CCNJL: variants seen among roughly 807,000 people sequenced by gnomAD.
CCNJL encodes cyclin J like.
CCNJL carries 33 observed loss-of-function variants against 33.4 expected under a neutral mutation model. The observed-to-expected ratio is 0.99, with a 90% CI of 0.75 to 1.32. The LOEUF is 1.32. Among genes scored for constraint, CCNJL ranks in the 40% most tolerant of loss-of-function variants. The probability of loss-of-function intolerance (pLI) is 0.00; values close to 1 mark genes in which losing one functional copy is unlikely to be tolerated. For missense variants in CCNJL, 512 were observed against 499.7 expected (o/e 1.02, Z -0.23); for synonymous variants, 227 against 220.9 (o/e 1.03, Z -0.24).
chr5:160,291,442 A>G (rs1762582437), intron 2 of CCNJL, among the ~76,000 whole-genome samples: 1 of 140,516 alleles, frequency 7.1e-6, no homozygotes, highest in African/African-American at 3.0e-5. Context: ...TTGTTCGTCA[A>G]AAAAATAATA....
At chr5:160,301,932 G>A (rs918059814) in intron 2 of CCNJL, among the ~76,000 whole-genome samples, 13 of 151,792 alleles carry the variant, frequency 8.6e-5, no homozygotes, top group African/African-American at 3.1e-4. Flanking sequence ...GCTTCACCAT[G>A]TTGGCCAGGC....
intron 2 of CCNJL, among the ~76,000 whole-genome samples, chr5:160,295,974 C>T (rs778961086): frequency 2.0e-5 from 3 of 152,166 alleles, no homozygotes; most frequent in South Asian, 2.1e-4. Flanking sequence ...ACAAGTTCTC[C>T]GCTTGAGCCT....
At chr5:160,293,400 G>A (rs1033111947) in intron 2 of CCNJL, among the ~76,000 whole-genome samples, 5 of 152,146 alleles carry the variant, frequency 3.3e-5, no homozygotes, top group African/African-American at 9.7e-5. Flanking sequence ...GTGACAGAGC[G>A]AGACTCCATC....
intron 1 of CCNJL, among the ~76,000 whole-genome samples, chr5:160,334,676 G>C (rs1465539677): frequency 6.6e-6 from 1 of 152,160 alleles, no homozygotes; most frequent in Non-Finnish European, 1.5e-5. Flanking sequence ...CACTACACTG[G>C]CCTCTCGGGA....
rs543644201 is a variant in CCNJL at position 160,286,117 on chromosome 5, C to T, written c.67-5379G>A. On this transcript the variant is annotated intron_variant, in intron 2 of 5. Transcript: ENST00000257536. Reference sequence around the variant, plus strand: ...AGCCAAGTGACCTTTGGCCGGGCCACGCTGCCTTCATCAGTGCAGTCCAAA... The same window carrying T: ...AGCCAAGTGACCTTTGGCCGGGCCATGCTGCCTTCATCAGTGCAGTCCAAA... 1.7e-3 allele frequency among the ~76,000 whole-genome samples: 265 copies of T among 152,316 alleles called. 1 individual carries two copies. The highest frequency in any genetic ancestry group is 1.9e-3 in the East Asian group (10 of 5,192).
At chr5:160,283,018 TATATATATAC>T (rs1324840397) in intron 2 of CCNJL, among the ~76,000 whole-genome samples, 7 of 90,370 alleles carry the variant, frequency 7.7e-5, no homozygotes, top group African/African-American at 3.1e-4. Context: ...TACATATATA[TATATATATAC>T]CTAAGAGAAA....
At chr5:160,329,585 A>G (rs1303128676) in intron 1 of CCNJL, among the ~76,000 whole-genome samples, 2 of 152,028 alleles carry the variant, frequency 1.3e-5, no homozygotes, top group Non-Finnish European at 2.9e-5. Context: ...TCCTGACCTC[A>G]TGACCCACCC....
chr5:160,272,300 T>C (rs1460952024), intron 3 of CCNJL, among the ~76,000 whole-genome samples: 1 of 152,128 alleles, frequency 6.6e-6, no homozygotes, highest in Non-Finnish European at 1.5e-5. Context: ...GGATGGAGGA[T>C]GCAAAGGGGA....
intron 2 of CCNJL, among the ~76,000 whole-genome samples, chr5:160,304,876 T>C (rs1763041840): frequency 6.6e-6 from 1 of 151,648 alleles, no homozygotes; most frequent in African/African-American, 2.4e-5. Context: ...TGCAATGGCG[T>C]GATCTCAGCT....
At chr5:160,268,508 G>T (rs2094903406) in intron 3 of CCNJL, among the ~76,000 whole-genome samples, 1 of 152,234 alleles carries the variant, frequency 6.6e-6, no homozygotes, top group African/African-American at 2.4e-5. Flanking sequence ...GCCCTGTAAT[G>T]ACAGTCACAG....
chr5:160,330,818 C>T (rs974935640), intron 1 of CCNJL, among the ~76,000 whole-genome samples: 4 of 152,142 alleles, frequency 2.6e-5, no homozygotes, highest in African/African-American at 7.2e-5. Context: ...CATGCGCCAT[C>T]ATGCCTGGCT....
At chr5:160,322,415 G>A (rs765232003) in intron 1 of CCNJL, among the ~76,000 whole-genome samples, 2 of 152,108 alleles carry the variant, frequency 1.3e-5, no homozygotes, top group African/African-American at 4.8e-5. Context: ...TTCCAAAATG[G>A]GGATAATAAT....
At chr5:160,309,416 GTA>G (rs1257805764) in intron 2 of CCNJL, among the ~76,000 whole-genome samples, 1 of 152,196 alleles carries the variant, frequency 6.6e-6, no homozygotes, top group East Asian at 1.9e-4. Flanking sequence ...GCTTGTGGTT[GTA>G]TGGAAACAGT....
At chr5:160,310,141 C>A (rs1279620500) in intron 2 of CCNJL, among the ~76,000 whole-genome samples, 1 of 152,192 alleles carries the variant, frequency 6.6e-6, no homozygotes, top group Non-Finnish European at 1.5e-5. Context: ...GAAATGACAA[C>A]CACTTGAGTC....
intron 2 of CCNJL, among the ~76,000 whole-genome samples, chr5:160,303,744 G>GTGTT (rs1489174139): frequency 6.7e-6 from 1 of 149,462 alleles, no homozygotes; most frequent in African/African-American, 2.5e-5. Flanking sequence ...GTGTGTGTGT[G>GTGTT]TAATAACTCA....
At chr5:160,303,523 CAAA>C (rs35657484) in intron 2 of CCNJL, among the ~76,000 whole-genome samples, 31 of 128,178 alleles carry the variant, frequency 2.4e-4, no homozygotes, top group Middle Eastern at 4.0e-3. Flanking sequence ...TCCATTTTTA[CAAA>C]AAAAAAAAAA....
rs1187651436 is a variant in CCNJL at position 160,250,707 on chromosome 5, G to A, written c.*2671C>T. 6.6e-6 allele frequency: 1 copy of A among 152,194 alleles called. No individual in the cohort carries two copies. The highest frequency in any genetic ancestry group is 2.4e-5 in the African/African-American group (1 of 41,448). The allele number at this position is 152,194 out of a possible 1,614,324, so 9.4% of individuals were successfully genotyped here. On this transcript the variant is annotated 3_prime_UTR_variant, in exon 6 of 6. Coordinates refer to ENST00000257536, the MANE Select transcript of CCNJL (RefSeq NM_001308173.3). Reference sequence around the variant, plus strand: ...TTGACATGTAACGCTTCTGAAATCAGAATGCAACATATAATCAATGGTATC... The same window carrying A: ...TTGACATGTAACGCTTCTGAAATCAAAATGCAACATATAATCAATGGTATC...
At chr5:160,259,347 G>T (rs978409775) in intron 4 of CCNJL, 122 bp downstream of exon 4, 8 of 786,924 alleles carry the variant, frequency 1.0e-5, no homozygotes, top group Non-Finnish European at 1.4e-5. Flanking sequence ...GAGTGATCTG[G>T]GTGCACAGGC....
intron 3 of CCNJL, among the ~76,000 whole-genome samples, chr5:160,264,466 C>T (rs1761489286): frequency 6.6e-6 from 1 of 152,096 alleles, no homozygotes; most frequent in African/African-American, 2.4e-5. Flanking sequence ...ACCATGCATC[C>T]ATCCATGTGG....
Sources: gnomAD v4.1 joint callset for allele counts (sites outside exome capture counted in the v4.1 genomes callset) on GRCh38, gnomAD v4.1.1 for gene constraint, MANE v1.5 for transcripts, NCBI Gene and HGNC (gene_info 2026-07-23, HGNC 2026-07-21) for gene names.